The following IRAG1 variants were observed in gnomAD, a reference collection of about 807,000 sequenced individuals.
IRAG1 encodes inositol 1,4,5-triphosphate receptor associated 1, also known as IP3R-associated cGMP kinase substrate.
Under a neutral mutation model 106.2 loss-of-function variants are expected in IRAG1, and 62 were observed. The observed-to-expected ratio is 0.58, with a 90% CI of 0.48 to 0.72. The LOEUF is 0.72. IRAG1 is among the 30% of genes least tolerant of loss of function. The pLI is 0.00. For missense variants in IRAG1, 1,064 were observed against 1,140.7 expected, an observed-to-expected ratio of 0.93 and a Z score of 0.97; for synonymous variants, 462 against 443.9, an observed-to-expected ratio of 1.04 and a Z score of -0.51.
chr11:10,604,122 G>A (rs1198770106), intron 13 of IRAG1, among the ~76,000 whole-genome samples: 3 of 152,164 alleles, frequency 2.0e-5, no homozygotes, highest in Non-Finnish European at 4.4e-5. Flanking sequence ...ATGTGAACAC[G>A]CTATCCCTGG....
chr11:10,580,411 C>T, intron 20 of IRAG1, 44 bp downstream of exon 20: 2 of 1,592,658 alleles, frequency 1.3e-6, no homozygotes, highest in South Asian at 2.3e-5. Flanking sequence ...GAATTGTAAC[C>T]CCCATTTCAG....
At chr11:10,662,077 A>C (rs1055502340) in intron 1 of IRAG1, among the ~76,000 whole-genome samples, 1 of 152,222 alleles carries the variant, frequency 6.6e-6, no homozygotes, top group African/African-American at 2.4e-5. Flanking sequence ...TGAGTTAATA[A>C]ATGAATGACA....
intron 10 of IRAG1, among the ~76,000 whole-genome samples, chr11:10,619,844 G>A (rs960739091): frequency 1.3e-5 from 2 of 152,192 alleles, no homozygotes; most frequent in Admixed American, 6.5e-5. Flanking sequence ...AGAACTGAGA[G>A]AAAATGAGAG....
At chr11:10,638,586 C>G (rs920630875) in intron 2 of IRAG1, among the ~76,000 whole-genome samples, 1 of 152,174 alleles carries the variant, frequency 6.6e-6, no homozygotes, top group African/African-American at 2.4e-5. Flanking sequence ...TGAAAGTTGC[C>G]TTTTTCATGT....
chr11:10,670,467 A>G (rs1465659478), intron 1 of IRAG1, among the ~76,000 whole-genome samples: 1 of 152,224 alleles, frequency 6.6e-6, no homozygotes, highest in African/African-American at 2.4e-5. Flanking sequence ...AATTCTGGCC[A>G]TAGGTCACTG....
chr11:10,597,055 G>A (rs1238657854), intron 15 of IRAG1, among the ~76,000 whole-genome samples: 1 of 152,196 alleles, frequency 6.6e-6, no homozygotes, highest in Non-Finnish European at 1.5e-5. Context: ...AGAGGCCTAG[G>A]TTCAGATGTG....
chr11:10,651,332 A>G (rs1311584405), intron 2 of IRAG1, among the ~76,000 whole-genome samples: 1 of 152,152 alleles, frequency 6.6e-6, no homozygotes, highest in Non-Finnish European at 1.5e-5. Context: ...ACAGACGTAG[A>G]CTCTTAATTA....
chr11:10,659,024 C>T lies in IRAG1; in HGVS notation c.68-6842G>A, dbSNP rs112340368. Among the ~76,000 whole-genome samples, 4,195 of 151,740 alleles carry T rather than the reference C, an allele frequency of 0.028. 79 individuals are homozygous for T. Among genetic ancestry groups the T allele is most frequent in the Middle Eastern group, 0.073 (21 of 286 alleles). ...TGCTCAGTCCCAGGTCTGTGCTGTG[C>T]TTGCCCCAGATCTGTGCTGTGCTTA... On this transcript the variant is annotated intron_variant, in intron 1 of 20. Transcript: ENST00000423302. The surrounding 1 kb of genome is among the most constrained non-coding windows in gnomAD (Gnocchi z 4.1).
chr11:10,677,181 C>G (rs1860749419), intron 1 of IRAG1, among the ~76,000 whole-genome samples: 1 of 152,188 alleles, frequency 6.6e-6, no homozygotes, highest in South Asian at 2.1e-4. Flanking sequence ...AACGCTCCCT[C>G]CACTCTCCCA....
In IRAG1 at chr11:10,575,991, G is replaced by A. The variant is rs75301665; in HGVS notation, c.*341C>T. The A allele has an allele frequency of 5.1e-3, 1,338 of 262,592 alleles. 17 individuals carry two copies. The highest frequency in any genetic ancestry group is 0.026 in the African/African-American group (1,213 of 46,214). The allele number at this position is 262,592 out of a possible 1,614,324, so 16.3% of individuals were successfully genotyped here. A position where few individuals can be genotyped will look rare whatever the true frequency, so the allele number is the denominator to read the frequency against. On this transcript the variant is annotated 3_prime_UTR_variant, in exon 21 of 21. Coordinates refer to ENST00000423302, the MANE Select transcript of IRAG1 (RefSeq NM_130385.4). ...ACTGCCCCCTACCTCCTCCTCCCCC[G>A]TGCCCCGCTCCTTACCCCCAACCAC...
At chr11:10,594,547 T>A (rs1853058484) in intron 15 of IRAG1, among the ~76,000 whole-genome samples, 1 of 152,170 alleles carries the variant, frequency 6.6e-6, no homozygotes. Flanking sequence ...TATTTCATGC[T>A]CGTTCAAGGA....
intron 1 of IRAG1, among the ~76,000 whole-genome samples, chr11:10,676,801 G>A (rs907434335): frequency 6.6e-6 from 1 of 152,180 alleles, no homozygotes; most frequent in South Asian, 2.1e-4. Context: ...ATTTGAATCC[G>A]TTTCTATTCT....
chr11:10,620,261 G>A (rs1855733132), intron 10 of IRAG1, among the ~76,000 whole-genome samples: 1 of 151,782 alleles, frequency 6.6e-6, no homozygotes, highest in Admixed American at 6.6e-5. Flanking sequence ...CTTCTCAAAG[G>A]GAAAGATAGG....
intron 2 of IRAG1, among the ~76,000 whole-genome samples, chr11:10,643,803 A>G (rs992811516): frequency 5.3e-5 from 8 of 151,842 alleles, no homozygotes; most frequent in African/African-American, 1.9e-4. Context: ...GGAGATACAC[A>G]TGTGAAAGGC....
intron 10 of IRAG1, among the ~76,000 whole-genome samples, chr11:10,614,571 A>G (rs1855240311): frequency 1.3e-5 from 2 of 152,370 alleles, no homozygotes; most frequent in East Asian, 1.9e-4. Context: ...CCAAAACAGC[A>G]TGGTACTGGT....
chr11:10,593,858 A>C (rs1852957614), intron 16 of IRAG1: 2 of 571,874 alleles, frequency 3.5e-6, no homozygotes, highest in Non-Finnish European at 6.2e-6. Context: ...AAATGACCCC[A>C]CAGTCTCTGG....
intron 10 of IRAG1, 40 bp downstream of exon 10, chr11:10,623,738 C>A (rs1208728360): frequency 6.3e-7 from 1 of 1,582,252 alleles, no homozygotes; most frequent in South Asian, 1.1e-5. Context: ...ACAGACAAAT[C>A]AGCACTCGCT....
chr11:10,626,569 C>T lies in IRAG1; in HGVS notation c.765G>A (p.Gly255=), dbSNP rs778606461. ...PHPGEPNVPK[G]LADRKQNDQR... ...GGTCATTCTGCTTCCTGTCAGCTAG[C>T]CCTTTGGGGACGTTCTGAAAAAGAC... Residue 255 remains glycine (G), a synonymous_variant, in exon 9 of 21, where the codon GGG becomes GGA. Coordinates refer to ENST00000423302, the MANE Select transcript of IRAG1 (RefSeq NM_130385.4). 5 of 1,605,070 alleles carry T rather than the reference C, an allele frequency of 3.1e-6. No individual in the cohort carries two copies. The South Asian group carries it at 3.3e-5, about 11-fold the overall frequency.
chr11:10,580,157 C>T (rs1319582448), intron 20 of IRAG1, among the ~76,000 whole-genome samples: 1 of 152,236 alleles, frequency 6.6e-6, no homozygotes, highest in Admixed American at 6.5e-5. Flanking sequence ...GGACTCCATT[C>T]AGGGCCCTTC....
Sources: gnomAD v4.1 joint callset for allele counts (sites outside exome capture counted in the v4.1 genomes callset) on GRCh38, gnomAD v4.1.1 for gene constraint, Gnocchi (gnomAD v3.1) non-coding constraint, MANE v1.5 for transcripts, NCBI Gene and HGNC (gene_info 2026-07-23, HGNC 2026-07-21) for gene names.